Variants in TNR observed in about 807,000 individuals in gnomAD.
The protein encoded by TNR is tenascin-R.
In TNR, 45 loss-of-function variants were observed where a neutral mutation model predicts 150.4. The ratio of observed to expected loss-of-function variants is 0.30; its 90% CI spans 0.24 to 0.38. The LOEUF is 0.38. Ranked by LOEUF, TNR falls within the 10% of genes least tolerant of loss-of-function variation. The pLI, the probability that TNR is intolerant of heterozygous loss-of-function variation, is 1.00. For synonymous variants in TNR, 687 were observed against 678.4 expected, an observed-to-expected ratio of 1.01 and a Z score of -0.20; for missense variants, 1,544 against 1,759.1, an observed-to-expected ratio of 0.88 and a Z score of 2.19.
intron 2 of TNR, among the ~76,000 whole-genome samples, chr1:175,438,591 C>T (rs1458930030): frequency 6.6e-6 from 1 of 152,146 alleles, no homozygotes; most frequent in Non-Finnish European, 1.5e-5. Context: ...GTCAAATTGT[C>T]CCAGTTTGCA....
At chr1:175,724,684 T>C (rs1207010816) in intron 1 of TNR, among the ~76,000 whole-genome samples, 1 of 152,192 alleles carries the variant, frequency 6.6e-6, no homozygotes, top group Admixed American at 6.5e-5. Flanking sequence ...TTTATGCATG[T>C]TTTACATTTC....
chr1:175,403,497 C>A lies in TNR; in HGVS notation c.619G>T (p.Gly207Cys), dbSNP rs1653814645. ...ACACACACCCCCCGGCTGGAGCAAC[C>A]CAGCGGGCAGTAGGGCTCCGAGCAA... ...KNCSEPYCPL[G>C]CSSRGVCVDG... The change falls in exon 4 of 23, where the codon GGT becomes TGT. Residue 207 changes from glycine to cysteine, a missense_variant. By Grantham distance (159) the Gly-to-Cys change is radical. Around this residue, in one of 2 missense-constraint regions of TNR, gnomAD observed 1,254 missense variants for 1,329.4 expected, o/e 0.94. Transcript: ENST00000367674. The A allele has an allele frequency of 6.2e-7, 1 of 1,614,112 alleles. No individual in the cohort carries two copies. Among genetic ancestry groups the A allele is most frequent in the Admixed American group, 1.7e-5 (1 of 60,012 alleles).
intron 18 of TNR, among the ~76,000 whole-genome samples, chr1:175,351,402 G>A (rs1651044169): frequency 6.6e-6 from 1 of 152,146 alleles, no homozygotes; most frequent in Admixed American, 6.6e-5. Flanking sequence ...TTGCATTGAG[G>A]TGGCTGACAG....
rs181166130 is a variant in TNR, at chr1:175,408,245, T to C, written c.-63-1468A>G. On this transcript the variant is annotated intron_variant, in intron 2 of 22. Coordinates refer to ENST00000367674, the MANE Select transcript of TNR (RefSeq NM_003285.3). The stretch of plus-strand genomic sequence containing the variant: ...CAGGACGGCGAGAGTGCTCAGTGCA[T>C]AGTTGTTGAATAAGTGGATAAGTAG... 1.6e-3 allele frequency among the ~76,000 whole-genome samples: 240 copies of C among 152,302 alleles called. 4 individuals are homozygous for C. The highest frequency in any genetic ancestry group is 0.015 in the Admixed American group (222 of 15,298).
At chr1:175,631,157 CA>C (rs1664314053) in intron 1 of TNR, among the ~76,000 whole-genome samples, 2 of 152,138 alleles carry the variant, frequency 1.3e-5, no homozygotes, top group African/African-American at 4.8e-5. Context: ...GACTTTAATA[CA>C]GAAATATATA....
intron 2 of TNR, among the ~76,000 whole-genome samples, chr1:175,418,720 G>A (rs1383676589): frequency 5.5e-5 from 8 of 146,728 alleles, no homozygotes; most frequent in Admixed American, 6.9e-5. Context: ...GAGAGAGAGA[G>A]AGAAAAAAAA....
intron 2 of TNR, among the ~76,000 whole-genome samples, chr1:175,493,789 G>A (rs1658358412): frequency 6.6e-6 from 1 of 152,148 alleles, no homozygotes; most frequent in African/African-American, 2.4e-5. Context: ...AGCACCAGCG[G>A]CTTCCAGAGA....
At chr1:175,647,150 A>T (rs1256768252) in intron 1 of TNR, among the ~76,000 whole-genome samples, 1 of 152,244 alleles carries the variant, frequency 6.6e-6, no homozygotes, top group Non-Finnish European at 1.5e-5. Context: ...CATCCTCCAG[A>T]AAAATCAATT....
At chr1:175,523,307 TA>T (rs1360778587) in intron 2 of TNR, among the ~76,000 whole-genome samples, 1 of 152,228 alleles carries the variant, frequency 6.6e-6, no homozygotes, top group East Asian at 1.9e-4. Context: ...AATAAATTTA[TA>T]AGCTTGTTTA....
intron 14 of TNR, among the ~76,000 whole-genome samples, chr1:175,362,059 A>G (rs1651617759): frequency 1.3e-5 from 2 of 152,214 alleles, no homozygotes; most frequent in Admixed American, 1.3e-4. Context: ...TGCAGAAGAC[A>G]TCTGGATCTG....
At chr1:175,683,128 T>C (rs577673641) in intron 1 of TNR, among the ~76,000 whole-genome samples, 1 of 152,248 alleles carries the variant, frequency 6.6e-6, no homozygotes, top group East Asian at 1.9e-4. Flanking sequence ...AATGACTTTG[T>C]GCACTGGTCA....
chr1:175,526,942 C>T (rs1453737970), intron 2 of TNR, among the ~76,000 whole-genome samples: 1 of 152,244 alleles, frequency 6.6e-6, no homozygotes, highest in African/African-American at 2.4e-5. Context: ...ATGTGACAGG[C>T]TTGGCCGGGA....
rs58179512 is a variant in TNR at position 175,329,937 on chromosome 1, C to T, written c.3793+137G>A. On this transcript the variant is annotated intron_variant, in intron 21 of 22. Coordinates refer to ENST00000367674, the MANE Select transcript of TNR (RefSeq NM_003285.3). Reference sequence around the variant, plus strand: ...GTGCCAGTGGTTCCCAGTGGCATGGCCCTTCTTCTCCCTGGCCAGCAGCGA... The same window carrying T: ...GTGCCAGTGGTTCCCAGTGGCATGGTCCTTCTTCTCCCTGGCCAGCAGCGA... The T allele has an allele frequency of 7.9e-3, 7,883 of 996,828 alleles. 98 individuals carry two copies. Among genetic ancestry groups the T allele is most frequent in the African/African-American group, 0.043 (2,673 of 61,922 alleles). The allele number at this position is 996,828 out of a possible 1,614,324, so 61.7% of individuals were successfully genotyped here.
Position 175,499,586 on chromosome 1 carries a change from C to G in TNR, c.-64+28683G>C, listed in dbSNP as rs1009150639. On this transcript the variant is annotated intron_variant, in intron 2 of 22. Coordinates refer to ENST00000367674, the MANE Select transcript of TNR (RefSeq NM_003285.3). Reference sequence around the variant, plus strand: ...GCTTTAGCAGATGTGGCTTTCTTTACCATATCCCTGTGTCCTATGCAAAGG... The same window carrying G: ...GCTTTAGCAGATGTGGCTTTCTTTAGCATATCCCTGTGTCCTATGCAAAGG... Among the ~76,000 whole-genome samples, 4 of 152,206 alleles carry G rather than the reference C, an allele frequency of 2.6e-5. No homozygotes were observed. In the East Asian group the frequency reaches 7.7e-4, roughly 29 times the overall value.
intron 1 of TNR, among the ~76,000 whole-genome samples, chr1:175,696,371 C>T (rs976563225): frequency 7.9e-5 from 12 of 151,732 alleles, no homozygotes; most frequent in Non-Finnish European, 1.3e-4. Flanking sequence ...AGGTTTAACA[C>T]GTGGAGAGCA....
chr1:175,742,553 A>G (rs1667960366), intron 1 of TNR, among the ~76,000 whole-genome samples: 1 of 152,066 alleles, frequency 6.6e-6, no homozygotes, highest in Non-Finnish European at 1.5e-5. Flanking sequence ...TCCTACCACC[A>G]TGAAGTCAGA....
intron 2 of TNR, among the ~76,000 whole-genome samples, chr1:175,409,557 T>C (rs1654115271): frequency 6.6e-6 from 1 of 152,160 alleles, no homozygotes; most frequent in South Asian, 2.1e-4. Flanking sequence ...TTTTTGTAAC[T>C]ACCGAAATCT....
intron 1 of TNR, among the ~76,000 whole-genome samples, chr1:175,555,225 C>A (rs554155124): frequency 2.0e-5 from 3 of 152,224 alleles, no homozygotes; most frequent in African/African-American, 4.8e-5. Flanking sequence ...TTCCCCACCC[C>A]CTATAGATAC....
chr1:175,736,673 C>T (rs1667781743), intron 1 of TNR, among the ~76,000 whole-genome samples: 1 of 152,036 alleles, frequency 6.6e-6, no homozygotes, highest in Admixed American at 6.6e-5. Flanking sequence ...GTTCTGTGTA[C>T]ATGTGGCCCA....
Sources: allele counts gnomAD v4.1 joint callset (sites outside exome capture counted in the v4.1 genomes callset), GRCh38; gene constraint gnomAD v4.1.1; regional missense constraint gnomAD v4.1.1; transcripts MANE v1.5; gene names NCBI Gene and HGNC (gene_info 2026-07-23, HGNC 2026-07-21).